Variants in ATP6V0A2 observed in about 807,000 individuals in gnomAD.
The protein encoded by ATP6V0A2 is V-type proton ATPase 116 kDa subunit a 2.
A neutral mutation model predicts 104.4 loss-of-function variants in ATP6V0A2; 58 were observed. The observed-to-expected ratio is 0.56, with a 90% CI of 0.45 to 0.69. The LOEUF is 0.69. Ranked by LOEUF, ATP6V0A2 falls within the 30% of genes least tolerant of loss-of-function variation. ATP6V0A2 has a pLI of 0.00. For synonymous variants in ATP6V0A2, 376 were observed against 397.9 expected (o/e 0.95, Z 0.65); for missense variants, 938 against 1,062.9 (o/e 0.88, Z 1.63).
intron 1 of ATP6V0A2, among the ~76,000 whole-genome samples, chr12:123,713,536 C>T (rs1156472042): frequency 1.3e-5 from 2 of 152,084 alleles, no homozygotes; most frequent in African/African-American, 4.8e-5. Flanking sequence ...AACAGACAAG[C>T]TTTTCTTGAC....
chr12:123,746,209 A>G (rs1956660399), intron 13 of ATP6V0A2, among the ~76,000 whole-genome samples: 1 of 151,920 alleles, frequency 6.6e-6, no homozygotes, highest in East Asian at 1.9e-4. Context: ...TTTGGGAGGC[A>G]TAGGGGAAAA....
chr12:123,734,079 C>A, intron 7 of ATP6V0A2, 71 bp downstream of exon 7: 1 of 1,219,708 alleles, frequency 8.2e-7, no homozygotes, highest in Non-Finnish European at 1.2e-6. Flanking sequence ...CTTCAACATC[C>A]CTCTGGAGTC....
At chr12:123,746,085 C>A (rs1956659237) in intron 13 of ATP6V0A2, among the ~76,000 whole-genome samples, 1 of 152,110 alleles carries the variant, frequency 6.6e-6, no homozygotes, top group South Asian at 2.1e-4. Context: ...ACAACAATTT[C>A]TTTAAGATAC....
At position 123,737,201 on chromosome 12, in the gene ATP6V0A2, G is replaced by A. The variant is rs775855556; in HGVS notation, c.968G>A (p.Cys323Tyr). Reference sequence around the variant, plus strand: ...TGCAGCTTTGACGTGACCAACAAGTGCCTCATTGCTGAGGTCTGGTGTCCC... The same window carrying A: ...TGCAGCTTTGACGTGACCAACAAGTACCTCATTGCTGAGGTCTGGTGTCCC... ...NMCSFDVTNK[C>Y]LIAEVWCPEA... The change falls in exon 9 of 20, where the codon TGC becomes TAC. Residue 323 changes from cysteine to tyrosine, a missense_variant. Physicochemically the swap from Cys to Tyr is radical, Grantham distance 194. Coordinates refer to ENST00000330342, the MANE Select transcript of ATP6V0A2 (RefSeq NM_012463.4). 8.1e-6 allele frequency: 13 copies of A among 1,614,060 alleles called. No homozygotes were observed. The Admixed American group carries it at 1.3e-4, about 17-fold the overall frequency.
chr12:123,745,905 T>G (rs1956657683), intron 13 of ATP6V0A2, among the ~76,000 whole-genome samples: 1 of 152,160 alleles, frequency 6.6e-6, no homozygotes, highest in Admixed American at 6.5e-5. Context: ...GATGTAATTG[T>G]GTACAGTCGT....
intron 7 of ATP6V0A2, among the ~76,000 whole-genome samples, chr12:123,735,153 GTGTGTGTGTGTGTC>G (rs1956539095): frequency 6.6e-6 from 1 of 150,870 alleles, no homozygotes; most frequent in African/African-American, 2.4e-5. Flanking sequence ...GTGTGTGTGT[GTGTGTGTGTGTGTC>G]TGTGTGTGTC....
rs1435024592 is a variant in ATP6V0A2 at position 123,748,473 on chromosome 12, T to C, written c.1725-102T>C. 6.9e-6 allele frequency: 6 copies of C among 871,558 alleles called. No homozygotes were observed. The East Asian group carries it at 1.4e-4, about 21-fold the overall frequency. The allele number at this position is 871,558 out of a possible 1,614,324, so 54.0% of individuals were successfully genotyped here. Reference sequence around the variant, plus strand: ...ATTCATCATATGAGAAATGATGTTATTCTGAAATTCGCTTTATAGTTTAGT... The same window carrying C: ...ATTCATCATATGAGAAATGATGTTACTCTGAAATTCGCTTTATAGTTTAGT... On this transcript the variant is annotated intron_variant, in intron 14 of 19. Transcript: ENST00000330342.
In ATP6V0A2 at chr12:123,756,847, C is replaced by G. The variant is rs748718383; in HGVS notation, c.2326C>G (p.Arg776Gly). 6.2e-7 allele frequency: 1 copy of G among 1,613,988 alleles called. No individual in the cohort carries two copies. Among genetic ancestry groups the G allele is most frequent in the African/African-American group, 1.3e-5 (1 of 74,932 alleles). Residue 776 changes from arginine (R) to glycine (G), a missense_variant, in exon 19 of 20, where the codon CGC becomes GGC. By Grantham distance (125) the Arg-to-Gly change is moderately radical. Transcript: ENST00000330342. Reference sequence around the variant, plus strand: ...TGATGTCCTGTGGGCCATGCTGATGCGCGTGGGCCTCCGCGTTGACACCAC... The same window carrying G: ...TGATGTCCTGTGGGCCATGCTGATGGGCGTGGGCCTCCGCGTTGACACCAC... ...LSDVLWAMLM[R>G]VGLRVDTTYG...
intron 4 of ATP6V0A2, among the ~76,000 whole-genome samples, chr12:123,725,770 A>G (rs578087530): frequency 5.0e-4 from 76 of 151,482 alleles, no homozygotes; most frequent in African/African-American, 1.8e-3. Context: ...TGGGCGACAG[A>G]GTGAGACCCT....
intron 8 of ATP6V0A2, 123 bp from the exon 9 acceptor site, chr12:123,736,936 A>T: frequency 2.1e-6 from 2 of 947,216 alleles, no homozygotes; most frequent in Non-Finnish European, 3.4e-6. Context: ...CCACCAGGAT[A>T]GGCAGGTGCC....
intron 7 of ATP6V0A2, among the ~76,000 whole-genome samples, chr12:123,735,142 CGTGT>C (rs56266144): frequency 0.04 from 6,006 of 148,488 alleles, 345 homozygotes; most frequent in African/African-American, 0.13. Flanking sequence ...CTTTTGTTTT[CGTGT>C]GTGTGTGTGT....
At chr12:123,726,678 C>T (rs926404880) in intron 5 of ATP6V0A2, among the ~76,000 whole-genome samples, 1 of 152,204 alleles carries the variant, frequency 6.6e-6, no homozygotes, top group Middle Eastern at 3.2e-3. Context: ...TTTATTCTTG[C>T]TGCCTACTGA....
At chr12:123,721,393 T>A (rs1378584445) in intron 2 of ATP6V0A2, 1 of 155,540 alleles carries the variant, frequency 6.4e-6, no homozygotes, top group Non-Finnish European at 1.4e-5. Flanking sequence ...CACAGGGTAC[T>A]CTGTGGGCAT....
In ATP6V0A2 at chr12:123,753,294, C is replaced by A. The variant is rs143732312; in HGVS notation, c.2175+892C>A. Among the ~76,000 whole-genome samples the A allele has an allele frequency of 1.8e-3, 275 of 152,282 alleles. 1 individual carries two copies. The highest frequency in any genetic ancestry group is 3.0e-3 in the Non-Finnish European group (206 of 68,022). The stretch of plus-strand genomic sequence containing the variant: ...CTTTACCAATGACTGCGTTCTCAGT[C>A]CCCTGGACCAGTGACTGCTATCTTA... On this transcript the variant is annotated intron_variant, in intron 17 of 19. Coordinates refer to ENST00000330342, the MANE Select transcript of ATP6V0A2 (RefSeq NM_012463.4).
At chr12:123,722,540 C>A in intron 3 of ATP6V0A2, 92 bp downstream of exon 3, 1 of 800,426 alleles carries the variant, frequency 1.2e-6, no homozygotes, top group Non-Finnish European at 2.2e-6. Flanking sequence ...TTCTGCCTTT[C>A]TTCTCAAAAC....
Position 123,752,285 on chromosome 12 carries a change from T to G in ATP6V0A2, c.2058T>G (p.Ser686Arg). ...NGRSCFGVNR[S>R]GYTLIRKDSE... ...CTCTGTGCTCTTTTGGTTGTTAGAG[T>G]GGCTACACACTTATAAGGAAAGATA... The change falls in exon 17 of 20, where the codon AGT becomes AGG. Residue 686 changes from serine to arginine, a missense_variant and splice_region_variant. Coordinates refer to ENST00000330342, the MANE Select transcript of ATP6V0A2 (RefSeq NM_012463.4). 3 of 1,614,080 alleles carry G rather than the reference T, an allele frequency of 1.9e-6. No individual in the cohort carries two copies. Among genetic ancestry groups the G allele is most frequent in the Non-Finnish European group, 2.5e-6 (3 of 1,180,006 alleles).
In ATP6V0A2 at chr12:123,712,627, C is replaced by A; in HGVS notation, c.62C>A (p.Thr21Lys). The change falls in exon 1 of 20, where the codon ACG becomes AAG. Residue 21 changes from threonine to lysine, a missense_variant. Coordinates refer to ENST00000330342, the MANE Select transcript of ATP6V0A2 (RefSeq NM_012463.4). ...CLAQLFLQSG[T>K]AYECLSALGE... ...GCGCAGCTCTTCCTGCAGTCGGGCA[C>A]GGCCTACGAGTGCCTCAGCGCCCTG... is the stretch of plus-strand genomic sequence containing the variant. The A allele has an allele frequency of 6.2e-7, 1 of 1,607,414 alleles. No individual in the cohort carries two copies. Among genetic ancestry groups the A allele is most frequent in the Non-Finnish European group, 8.5e-7 (1 of 1,177,834 alleles).
At chr12:123,745,954 G>A (rs1956658052) in intron 13 of ATP6V0A2, among the ~76,000 whole-genome samples, 1 of 152,190 alleles carries the variant, frequency 6.6e-6, no homozygotes, top group Non-Finnish European at 1.5e-5. Flanking sequence ...CTTAACCTGG[G>A]CTCTCCAAGG....
At chr12:123,746,285 G>T (rs1956661318) in intron 13 of ATP6V0A2, among the ~76,000 whole-genome samples, 1 of 151,698 alleles carries the variant, frequency 6.6e-6, no homozygotes, top group East Asian at 1.9e-4. Context: ...CATTAATTTG[G>T]TTCAAAAGTA....
Sources: gnomAD v4.1 joint callset for allele counts (sites outside exome capture counted in the v4.1 genomes callset) on GRCh38, gnomAD v4.1.1 for gene constraint, MANE v1.5 for transcripts, NCBI Gene and HGNC (gene_info 2026-07-23, HGNC 2026-07-21) for gene names.